Variants in ZMYND11 observed in about 807,000 individuals in gnomAD.
The protein encoded by ZMYND11 is zinc finger MYND domain-containing protein 11.
A neutral mutation model predicts 84.9 loss-of-function variants in ZMYND11; 9 were observed. The observed-to-expected ratio is 0.11, with a 90% CI of 0.06 to 0.18. The LOEUF (loss-of-function observed/expected upper bound fraction) is 0.18, where lower values mean the gene tolerates loss of function less well. Ranked by LOEUF, ZMYND11 falls within the 10% of genes least tolerant of loss-of-function variation. The pLI is 1.00. For synonymous variants in ZMYND11, 250 were observed against 244.1 expected, an observed-to-expected ratio of 1.02 and a Z score of -0.23; for missense variants, 409 against 761.0, an observed-to-expected ratio of 0.54 and a Z score of 5.44.
chr10:197,832 A>G, intron 2 of ZMYND11: 1 of 449,128 alleles, frequency 2.2e-6, no homozygotes, highest in Admixed American at 4.1e-5. Context: ...ATGCCAAAAC[A>G]GTACTCTGCT....
At chr10:163,395 T>G (rs782191749) in intron 1 of ZMYND11, among the ~76,000 whole-genome samples, 9 of 152,128 alleles carry the variant, frequency 5.9e-5, no homozygotes, top group Non-Finnish European at 1.0e-4. Context: ...TTTCCTTCCA[T>G]TTTATTATTC....
rs1027446623 is a variant in ZMYND11 at position 254,391 on chromosome 10, G to A, written c.*1921G>A. 1 of 152,516 alleles carries A rather than the reference G, an allele frequency of 6.6e-6. No individual in the cohort carries two copies. 9.4% of individuals were successfully genotyped at this position (152,516 alleles called of 1,614,324 possible). A position where few individuals can be genotyped will look rare whatever the true frequency, so the allele number is the denominator to read the frequency against. On this transcript the variant is annotated 3_prime_UTR_variant, in exon 15 of 15. Coordinates refer to ENST00000381604, the MANE Select transcript of ZMYND11 (RefSeq NM_001370100.5). ...AACAAAATTAAAAAAAGAGATTGTG[G>A]CCTGGTTTTGTAAAAGTTTTAGGTA...
At chr10:238,068 C>A (rs957299733) in intron 6 of ZMYND11, among the ~76,000 whole-genome samples, 2 of 152,142 alleles carry the variant, frequency 1.3e-5, no homozygotes, top group African/African-American at 2.4e-5. Flanking sequence ...TAGAACTGAT[C>A]TGCCGTCTTG....
intron 1 of ZMYND11, among the ~76,000 whole-genome samples, chr10:177,288 T>C (rs1846862504): frequency 6.6e-6 from 1 of 152,192 alleles, no homozygotes; most frequent in Non-Finnish European, 1.5e-5. Flanking sequence ...TCAAACTTCA[T>C]TGTATTTCTC....
intron 1 of ZMYND11, among the ~76,000 whole-genome samples, chr10:147,420 T>G (rs1335220241): frequency 6.6e-6 from 1 of 152,106 alleles, no homozygotes; most frequent in African/African-American, 2.4e-5. Context: ...GGTATGTTCC[T>G]CCTATTGAGC....
intron 2 of ZMYND11, among the ~76,000 whole-genome samples, chr10:191,422 C>G (rs1940356880): frequency 6.6e-6 from 1 of 152,202 alleles, no homozygotes; most frequent in African/African-American, 2.4e-5. Flanking sequence ...ATCCTCACAA[C>G]AACTGTGAAG....
intron 2 of ZMYND11, among the ~76,000 whole-genome samples, chr10:181,576 G>T (rs977395809): frequency 4.6e-5 from 7 of 152,074 alleles, no homozygotes; most frequent in Admixed American, 6.6e-5. Context: ...CCGAGGAAAG[G>T]CCACTGCACT....
intron 12 of ZMYND11, 137 bp downstream of exon 12, chr10:247,603 C>G: frequency 2.2e-6 from 2 of 917,286 alleles, no homozygotes; most frequent in Non-Finnish European, 3.4e-6. Context: ...TCAGTCAAAT[C>G]ATATCCATCA....
At chr10:225,533 A>T (rs2448381) in intron 4 of ZMYND11, among the ~76,000 whole-genome samples, 98,141 of 151,952 alleles carry the variant, frequency 0.65, 31,885 homozygotes, top group East Asian at 0.82. Flanking sequence ...TTTTTTCTGG[A>T]GACAGGGTCT....
intron 2 of ZMYND11, among the ~76,000 whole-genome samples, chr10:199,518 T>A (rs1942627409): frequency 6.6e-6 from 1 of 152,122 alleles, no homozygotes; most frequent in Admixed American, 6.6e-5. Context: ...CAGTCTTGAC[T>A]TTCTGGGCTT....
intron 10 of ZMYND11, among the ~76,000 whole-genome samples, chr10:244,958 G>T (rs367759162): frequency 1.1e-4 from 16 of 152,290 alleles, no homozygotes; most frequent in South Asian, 4.1e-4. Flanking sequence ...GCTTGTAACA[G>T]AATTCTCTCT....
intron 1 of ZMYND11, among the ~76,000 whole-genome samples, chr10:175,127 G>A (rs1276099070): frequency 1.3e-5 from 2 of 152,142 alleles, no homozygotes; most frequent in Admixed American, 6.5e-5. Context: ...TGTCAGTGTA[G>A]GTTTGTTGAT....
chr10:214,551 A>C (rs1004563588), intron 3 of ZMYND11, among the ~76,000 whole-genome samples: 1 of 152,218 alleles, frequency 6.6e-6, no homozygotes, highest in African/African-American at 2.4e-5. Context: ...GGGTCCACAT[A>C]ATTCATTTAA....
intron 2 of ZMYND11, among the ~76,000 whole-genome samples, chr10:206,984 C>T (rs1357177560): frequency 6.6e-6 from 1 of 152,006 alleles, no homozygotes. Context: ...GCTATGCCTC[C>T]CCACTCCCCC....
At chr10:164,981 G>C (rs1843663563) in intron 1 of ZMYND11, among the ~76,000 whole-genome samples, 1 of 152,116 alleles carries the variant, frequency 6.6e-6, no homozygotes, top group Non-Finnish European at 1.5e-5. Context: ...TAATTAAAAT[G>C]ACAATAAAAT....
At chr10:162,730 G>C (rs1442931660) in intron 1 of ZMYND11, among the ~76,000 whole-genome samples, 1 of 152,034 alleles carries the variant, frequency 6.6e-6, no homozygotes, top group East Asian at 1.9e-4. Context: ...TATTCTGTTT[G>C]CCAAAGTTTA....
At chr10:247,129 A>C in intron 11 of ZMYND11, 156 bp downstream of exon 11, 1 of 816,868 alleles carries the variant, frequency 1.2e-6, no homozygotes. Flanking sequence ...AAAGCAGTTC[A>C]AATGAATACA....
chr10:130,886 G>C (rs782078575), upstream of ZMYND11, among the ~76,000 whole-genome samples: 3 of 152,098 alleles, frequency 2.0e-5, no homozygotes, highest in Non-Finnish European at 4.4e-5. Context: ...GGGAAGCCAA[G>C]ATGGGCAGAT....
At chr10:236,034 TTATC>T (rs1949903680) in intron 4 of ZMYND11, among the ~76,000 whole-genome samples, 1 of 152,216 alleles carries the variant, frequency 6.6e-6, no homozygotes. Context: ...CAGAGAATCA[TTATC>T]TAGTGACCTG....
Sources: allele counts gnomAD v4.1 joint callset (sites outside exome capture counted in the v4.1 genomes callset), GRCh38; gene constraint gnomAD v4.1.1; transcripts MANE v1.5; gene names NCBI Gene and HGNC (gene_info 2026-07-23, HGNC 2026-07-21).